The following VPS35 variants were observed in gnomAD, a reference collection of about 807,000 sequenced individuals.
The protein encoded by VPS35 is vacuolar protein sorting-associated protein 35.
In VPS35, 21 loss-of-function variants were observed where a neutral mutation model predicts 98.1. The observed-to-expected ratio is 0.21, with a 90% CI of 0.15 to 0.31. The LOEUF (loss-of-function observed/expected upper bound fraction) is 0.31. VPS35 is among the 10% of genes least tolerant of loss of function. The pLI is 1.00. For synonymous variants in VPS35, 268 were observed against 318.2 expected (o/e 0.84, Z 1.68); for missense variants, 554 against 950.8 (o/e 0.58, Z 5.49).
chr16:46,670,351 T>A (rs2143007197), intron 12 of VPS35, among the ~76,000 whole-genome samples: 1 of 152,276 alleles, frequency 6.6e-6, no homozygotes, highest in South Asian at 2.1e-4. Flanking sequence ...TGGCATGATA[T>A]CCACTCACTG....
chr16:46,668,539 A>G (rs1966021946), intron 13 of VPS35, among the ~76,000 whole-genome samples: 1 of 152,210 alleles, frequency 6.6e-6, no homozygotes, highest in East Asian at 1.9e-4. Context: ...TTTGAGGAAG[A>G]AAAAAGCTCA....
intron 3 of VPS35, chr16:46,681,708 T>C: frequency 1.7e-6 from 1 of 596,850 alleles, no homozygotes; most frequent in South Asian, 2.0e-5. Flanking sequence ...AAGCAGTAAA[T>C]ACAATGGTTA....
intron 6 of VPS35, among the ~76,000 whole-genome samples, chr16:46,678,248 G>C (rs1338787566): frequency 6.9e-6 from 1 of 145,528 alleles, no homozygotes; most frequent in South Asian, 2.1e-4. Context: ...CTTTTGGCTT[G>C]AAGAAGAATT....
intron 12 of VPS35, among the ~76,000 whole-genome samples, chr16:46,670,409 G>C (rs572333391): frequency 1.1e-4 from 16 of 152,130 alleles, no homozygotes; most frequent in African/African-American, 3.9e-4. Context: ...TCAGTCTCCT[G>C]AGCAGCTAGG....
At chr16:46,689,017 A>G (rs1966374757) in intron 1 of VPS35, 114 bp downstream of exon 1, 2 of 1,553,840 alleles carry the variant, frequency 1.3e-6, no homozygotes, top group Non-Finnish European at 1.7e-6. Flanking sequence ...GGCTGGTCTT[A>G]ATCCCGAACG....
At chr16:46,676,480 T>C (rs1016491709) in intron 8 of VPS35, 103 bp downstream of exon 8, 24 of 764,550 alleles carry the variant, frequency 3.1e-5, no homozygotes, top group Admixed American at 1.6e-4. Context: ...ATTAAGATCA[T>C]TGGTATGATA....
At position 46,678,865 on chromosome 16, in the gene VPS35, A is replaced by G. The variant is rs1164677084; in HGVS notation, c.720+78T>C. 7.4e-6 allele frequency: 11 copies of G among 1,488,110 alleles called. No individual in the cohort carries two copies. The African/African-American group carries it at 1.1e-4, about 15-fold the overall frequency. 92.2% of individuals were successfully genotyped at this position (1,488,110 alleles called of 1,614,324 possible). On this transcript the variant is annotated intron_variant, in intron 6 of 16. Transcript: ENST00000299138. ...GATGTTTTTCAATGTACTATTGTAT[A>G]ACAAAAATATTCTGATTTTAAAAAT...
chr16:46,674,322 G>A lies in VPS35; in HGVS notation c.1152C>T (p.Asn384=), dbSNP rs772970332. ...AAATGTAACTGACTTACTGTTCAAG[G>A]TTGAGCTTATTGAATATCTCCACTG... ...ETTVEIFNKL[N]LEHIATSSAV... The change falls in exon 10 of 17, where the codon AAC becomes AAT. Residue 384 remains asparagine, a synonymous_variant. Transcript: ENST00000299138. 6.2e-7 allele frequency: 1 copy of A among 1,614,018 alleles called. No individual in the cohort carries two copies. The highest frequency in any genetic ancestry group is 1.1e-5 in the South Asian group (1 of 91,084).
intron 1 of VPS35, chr16:46,688,553 A>G: frequency 3.0e-6 from 3 of 992,712 alleles, no homozygotes; most frequent in Non-Finnish European, 2.4e-6. Flanking sequence ...AGACAGCCTG[A>G]GTCCTTCCAG....
At chr16:46,671,968 T>C in intron 11 of VPS35, 108 bp from the exon 12 acceptor site, 1 of 1,475,080 alleles carries the variant, frequency 6.8e-7, no homozygotes, top group East Asian at 2.4e-5. Context: ...ATCAACAAGA[T>C]ATTCCTTTTT....
At chr16:46,686,317 C>T (rs777009532) in intron 1 of VPS35, among the ~76,000 whole-genome samples, 2 of 152,176 alleles carry the variant, frequency 1.3e-5, no homozygotes, top group Non-Finnish European at 2.9e-5. Flanking sequence ...CACCTTTTGG[C>T]TGTTGTGTAT....
chr16:46,685,301 A>C (rs767478407), intron 1 of VPS35, among the ~76,000 whole-genome samples: 6 of 152,244 alleles, frequency 3.9e-5, no homozygotes, highest in Non-Finnish European at 5.9e-5. Context: ...TTATCTAAGA[A>C]AAGCAAAACA....
At position 46,663,155 on chromosome 16, in the gene VPS35, T is replaced by A. The variant is rs1567468566; in HGVS notation, c.1655A>T (p.Lys552Ile). The A allele has an allele frequency of 3.1e-6, 5 of 1,613,688 alleles. No homozygotes were observed. The highest frequency in any genetic ancestry group is 4.2e-6 in the Non-Finnish European group (5 of 1,179,810). Residue 552 changes from lysine (K) to isoleucine (I), a missense_variant, in exon 14 of 17, where the codon AAA becomes ATA. By Grantham distance (102) the Lys-to-Ile change is moderately radical. Around this residue, in one of 5 missense-constraint regions of VPS35, gnomAD observed 254 missense variants for 390.1 expected, o/e 0.65. Coordinates refer to ENST00000299138, the MANE Select transcript of VPS35 (RefSeq NM_018206.6). The stretch of plus-strand genomic sequence containing the variant: ...AATCTTCTGGCATTTCTTTTCCCAT[T>A]TGTCATCCTAAAACAAGAAAAAACA... ...RYKENSKVDD[K>I]WEKKCQKIFS...
intron 3 of VPS35, 139 bp from the exon 4 acceptor site, chr16:46,681,639 ATT>A: frequency 9.8e-7 from 1 of 1,019,664 alleles, no homozygotes; most frequent in Non-Finnish European, 1.5e-6. Flanking sequence ...CGAAGGATGA[ATT>A]TTAGCCGGAC....
chr16:46,682,449 G>C (rs1966249251), intron 2 of VPS35: 1 of 371,180 alleles, frequency 2.7e-6, no homozygotes, highest in African/African-American at 2.1e-5. Flanking sequence ...ATAGAGACTA[G>C]GAAACTAGCT....
At position 46,674,304 on chromosome 16, in the gene VPS35, A is replaced by G. The variant is rs564676491; in HGVS notation, c.1160+10T>C. The G allele has an allele frequency of 2.2e-5, 35 of 1,613,810 alleles. 1 individual carries two copies. The South Asian group carries it at 3.3e-4, about 15-fold the overall frequency. ...CTTTGAGGATTTTTACAAAAATGTA[A>G]CTGACTTACTGTTCAAGGTTGAGCT... On this transcript the variant is annotated intron_variant, in intron 10 of 16. Coordinates refer to ENST00000299138, the MANE Select transcript of VPS35 (RefSeq NM_018206.6).
chr16:46,671,344 GAC>G (rs1381087576), intron 12 of VPS35, among the ~76,000 whole-genome samples: 1 of 152,066 alleles, frequency 6.6e-6, no homozygotes, highest in Non-Finnish European at 1.5e-5. Flanking sequence ...AGCAAAAGAA[GAC>G]AGACTTTTTT....
chr16:46,671,388 G>A (rs573976492), intron 12 of VPS35, among the ~76,000 whole-genome samples: 3 of 152,004 alleles, frequency 2.0e-5, no homozygotes, highest in African/African-American at 7.2e-5. Flanking sequence ...AAAGAAATCA[G>A]AGCAACTGAA....
intron 1 of VPS35, among the ~76,000 whole-genome samples, chr16:46,686,000 T>C (rs766643618): frequency 1.3e-5 from 2 of 152,290 alleles, no homozygotes; most frequent in Non-Finnish European, 2.9e-5. Flanking sequence ...CATCTATCTC[T>C]AAAACTTTTT....
Sources: allele counts gnomAD v4.1 joint callset (sites outside exome capture counted in the v4.1 genomes callset), GRCh38; gene constraint gnomAD v4.1.1; regional missense constraint gnomAD v4.1.1; transcripts MANE v1.5; gene names NCBI Gene and HGNC (gene_info 2026-07-23, HGNC 2026-07-21).